The following ATG2A variants were observed in gnomAD, a reference collection of about 807,000 sequenced individuals.
The protein encoded by ATG2A is autophagy-related protein 2 homolog A.
In ATG2A, 103 loss-of-function variants were observed where a neutral mutation model predicts 214.2. The ratio of observed to expected loss-of-function variants is 0.48; its 90% confidence interval spans 0.41 to 0.57. The LOEUF (loss-of-function observed/expected upper bound fraction) is 0.57. Among genes scored for constraint, ATG2A ranks in the 20% least tolerant of loss-of-function variants. The probability of loss-of-function intolerance (pLI) is 0.00; values close to 1 mark genes in which losing one functional copy is unlikely to be tolerated. For synonymous variants in ATG2A, 1,160 were observed against 1,142.1 expected, an observed-to-expected ratio of 1.02 and a Z score of -0.32; for missense variants, 2,312 against 2,613.2, an observed-to-expected ratio of 0.88 and a Z score of 2.51.
chr11:64,902,132 G>A lies in ATG2A; in HGVS notation c.3949C>T (p.Pro1317Ser). ...GGTGGGGCCCCACTCCGTTCACCTG[G>A]GAATAGGTAGACGGAGATGGGCGAC... ...QASPISVYLF[P>S]GERSGAPPPS... The change falls in exon 29 of 41, where the codon CCA becomes TCA. Residue 1317 changes from proline to serine, a missense_variant. Pro to Ser is a moderately conservative substitution (Grantham distance 74). Transcript: ENST00000377264. 1 of 1,613,736 alleles carries A rather than the reference G, an allele frequency of 6.2e-7. No homozygotes were observed. Among genetic ancestry groups the A allele is most frequent in the Non-Finnish European group, 8.5e-7 (1 of 1,180,000 alleles).
In ATG2A at chr11:64,900,912, G is replaced by A. The variant is rs371445025; in HGVS notation, c.4300C>T (p.Arg1434Ter). 1.9e-6 allele frequency: 3 copies of A among 1,566,798 alleles called. No individual in the cohort carries two copies. Among genetic ancestry groups the A allele is most frequent in the Non-Finnish European group, 2.6e-6 (3 of 1,156,532 alleles). Reference protein sequence around the residue: ...VSLVWHLYGGRDFGPHPGHRA... With the variant: ...VSLVWHLYGG ...TGGCCGGGGTGGGGGCCAAAGTCTC[G>A]GCCCCCATAGAGGTGCCAGACGAGG... Residue 1434 changes from arginine to a stop codon, truncating the protein, a stop_gained, in exon 30 of 41, where the codon CGA becomes TGA. Coordinates refer to ENST00000377264, the MANE Select transcript of ATG2A (RefSeq NM_015104.3). LOFTEE classifies it high-confidence loss of function.
Position 64,913,370 on chromosome 11 carries a change from G to T in ATG2A, c.622C>A (p.Pro208Thr). The T allele has an allele frequency of 6.3e-7, 1 of 1,598,228 alleles. No homozygotes were observed. Among genetic ancestry groups the T allele is most frequent in the Non-Finnish European group, 8.5e-7 (1 of 1,173,774 alleles). Residue 208 changes from proline (P) to threonine (T), a missense_variant, in exon 5 of 41, where the codon CCA (proline) becomes ACA (threonine). Transcript: ENST00000377264. This position sits in a 1 kb window ranked among gnomAD's most constrained non-coding sequence, Gnocchi z 4.3. ...ACGTCCACCGGCGGCGCCTGGCTTG[G>T]GTCCCGCACTGCCTCATCACAGTAC... ...LEYCDEAVRD[P>T]SQAPPVDVHQ... is the part of the protein sequence containing the mutation.
chr11:64,912,630 G>A, intron 6 of ATG2A: 1 of 560,092 alleles, frequency 1.8e-6, no homozygotes, highest in Non-Finnish European at 3.1e-6. Context: ...TTTCACTCTT[G>A]TTGCCCAGGC....
intron 22 of ATG2A, 57 bp downstream of exon 22, chr11:64,906,056 C>T: frequency 5.2e-6 from 8 of 1,532,126 alleles, no homozygotes; most frequent in Non-Finnish European, 7.1e-6. Flanking sequence ...GACCTGCTTG[C>T]CCAAAACAGA....
chr11:64,899,729 C>T (rs1174627637), intron 31 of ATG2A, among the ~76,000 whole-genome samples: 1 of 152,154 alleles, frequency 6.6e-6, no homozygotes, highest in Non-Finnish European at 1.5e-5. Context: ...CAGAGCCCCA[C>T]CCCACAGAGG....
rs749459093 is a variant in ATG2A, at chr11:64,908,974, G to A, written c.2364+17C>T. 1.9e-6 allele frequency: 3 copies of A among 1,556,574 alleles called. No individual in the cohort carries two copies. The highest frequency in any genetic ancestry group is 2.7e-5 in the African/African-American group (2 of 73,526). Reference sequence around the variant, plus strand: ...GGGCGGGAGGGGGTCCTGGGAAGAGGTGGGGCCAAGTCTCACCTCCTCTGT... The same window carrying A: ...GGGCGGGAGGGGGTCCTGGGAAGAGATGGGGCCAAGTCTCACCTCCTCTGT... On this transcript the variant is annotated intron_variant, in intron 16 of 40. Transcript: ENST00000377264.
At chr11:64,907,220 A>T in intron 19 of ATG2A, 35 bp downstream of exon 19, 2 of 1,462,820 alleles carry the variant, frequency 1.4e-6, no homozygotes, top group Non-Finnish European at 1.8e-6. Context: ...GGGAGCTCTG[A>T]AGTTTGGGGC....
rs1944127615 is a variant in ATG2A, at chr11:64,895,747, C to T, written c.5428-305G>A. ...TTCAGCAGGTTCCACATGGCTGCCG[C>T]AGCTGCACGCCTGAGACTGACCGCT... On this transcript the variant is annotated intron_variant, in intron 39 of 40. Transcript: ENST00000377264. This position sits in a 1 kb window ranked among gnomAD's most constrained non-coding sequence, Gnocchi z 5.0. 6.6e-6 allele frequency among the ~76,000 whole-genome samples: 1 copy of T among 152,184 alleles called. No individual in the cohort carries two copies. The highest frequency in any genetic ancestry group is 1.5e-5 in the Non-Finnish European group (1 of 68,018).
At chr11:64,905,964 C>T in intron 22 of ATG2A, 116 bp from the exon 23 acceptor site, 4 of 1,372,532 alleles carry the variant, frequency 2.9e-6, no homozygotes, top group Non-Finnish European at 4.0e-6. Context: ...TAGCTGTCTG[C>T]CACACCCCTT....
Position 64,901,164 on chromosome 11 carries a change from T to C in ATG2A, c.4120-72A>G, listed in dbSNP as rs936090837. The C allele has an allele frequency of 5.6e-6, 8 of 1,431,376 alleles. No individual in the cohort carries two copies. In the Admixed American group the frequency reaches 8.0e-5, roughly 14 times the overall value. 88.7% of individuals were successfully genotyped at this position (1,431,376 alleles called of 1,614,324 possible). On this transcript the variant is annotated intron_variant, in intron 29 of 40. Transcript: ENST00000377264. ...CCAGCTGCCCCCAGCCCCAGCAACC[T>C]GGCCTCACTTCTTTTTCATTTTTTT...
chr11:64,911,348 C>A, intron 9 of ATG2A, 73 bp from the exon 10 acceptor site: 1 of 1,501,896 alleles, frequency 6.7e-7, no homozygotes. Context: ...TAGTTTGCCA[C>A]CAGGCTGGGG....
intron 37 of ATG2A, 98 bp downstream of exon 37, chr11:64,897,314 G>T: frequency 7.2e-7 from 1 of 1,395,436 alleles, no homozygotes; most frequent in South Asian, 1.3e-5. Context: ...GAGGCCCTGA[G>T]AAGGGTGATG....
At chr11:64,916,326 G>A (rs1418744119) in intron 1 of ATG2A, among the ~76,000 whole-genome samples, 5 of 152,190 alleles carry the variant, frequency 3.3e-5, no homozygotes, top group Middle Eastern at 3.4e-3. Flanking sequence ...TGTAGGTGGG[G>A]GCCATCCAGT....
rs656195 is a variant in ATG2A, at chr11:64,909,821, G to C, written c.1967C>G (p.Pro656Arg). 1,611,271 of 1,611,510 alleles carry C rather than the reference G, an allele frequency of 1. 805,516 individuals carry two copies. Among genetic ancestry groups the C allele is most frequent in the Non-Finnish European group, 1 (1,179,631 of 1,179,642 alleles). Reference sequence around the variant, plus strand: ...CACGGCCTGGCCCGCCCAGGGGTCCGGCTCAGGCCGCAGGTCGGCAATGGG... The same window carrying C: ...CACGGCCTGGCCCGCCCAGGGGTCCCGCTCAGGCCGCAGGTCGGCAATGGG... ...RFPIADLRPE[P>R]DPWAGQAVRA... Residue 656 changes from proline to arginine, a missense_variant, in exon 14 of 41, where the codon CCG becomes CGG. Coordinates refer to ENST00000377264, the MANE Select transcript of ATG2A (RefSeq NM_015104.3).
chr11:64,895,829 T>C lies in ATG2A; in HGVS notation c.5428-387A>G, dbSNP rs1049228377. On this transcript the variant is annotated intron_variant, in intron 39 of 40. Coordinates refer to ENST00000377264, the MANE Select transcript of ATG2A (RefSeq NM_015104.3). The surrounding 1 kb of genome is among the most constrained non-coding windows in gnomAD (Gnocchi z 5.0). ...ATGGTCAGAGGCCCATCCTTCCTTC[T>C]GTCTGCCAGATCCTCTGCCCAGCAT... Among the ~76,000 whole-genome samples, 3 of 152,050 alleles carry C rather than the reference T, an allele frequency of 2.0e-5. No individual in the cohort carries two copies. Among genetic ancestry groups the C allele is most frequent in the Non-Finnish European group, 4.4e-5 (3 of 67,970 alleles).
chr11:64,905,753 A>G lies in ATG2A; in HGVS notation c.3360T>C (p.Ser1120=), dbSNP rs767912917. The G allele has an allele frequency of 2.2e-5, 35 of 1,613,832 alleles. No homozygotes were observed. The highest frequency in any genetic ancestry group is 3.0e-5 in the Non-Finnish European group (35 of 1,180,014). The change falls in exon 23 of 41, where the codon TCT becomes TCC. Residue 1120 remains serine (S), a synonymous_variant. Transcript: ENST00000377264. ...ACCCAGCCTGGTACCTATAGTCCACAGAGCAGGAGAACAGGTGTGTGTGCA... is the reference window on the plus strand; with the variant it reads ...ACCCAGCCTGGTACCTATAGTCCACGGAGCAGGAGAACAGGTGTGTGTGCA... ...TILHTHLFSC[S]VDYRPLYLPV...
rs1944223592 is a variant in ATG2A at position 64,898,189 on chromosome 11, G to A, written c.4774-19C>T. On this transcript the variant is annotated intron_variant, in intron 33 of 40. Coordinates refer to ENST00000377264, the MANE Select transcript of ATG2A (RefSeq NM_015104.3). This position sits in a 1 kb window ranked among gnomAD's most constrained non-coding sequence, Gnocchi z 4.5. ...GGGCATCCTGCAAGGGAGAGGTCCA[G>A]ATGTGGATCAGACTCAGAGGCCTGG... 3 of 1,613,814 alleles carry A rather than the reference G, an allele frequency of 1.9e-6. No homozygotes were observed. Among genetic ancestry groups the A allele is most frequent in the African/African-American group, 1.3e-5 (1 of 74,912 alleles).
chr11:64,904,622 G>C (rs1944474514), intron 24 of ATG2A, among the ~76,000 whole-genome samples: 1 of 151,860 alleles, frequency 6.6e-6, no homozygotes, highest in Non-Finnish European at 1.5e-5. Flanking sequence ...TTAGAATAAA[G>C]AAAATAAAAA....
rs559099117 is a variant in ATG2A, at chr11:64,901,046, A to G, written c.4166T>C (p.Ile1389Thr). Residue 1389 changes from isoleucine to threonine, a missense_variant, in exon 30 of 41, where the codon ATC becomes ACC. Coordinates refer to ENST00000377264, the MANE Select transcript of ATG2A (RefSeq NM_015104.3). ...PVVTQLHPGP[I>T]VVRDGYFSRP... ...TGAGAAGTAACCGTCCCTCACAACGATGGGGCCGGGATGCAGCTGTGTCAC... is the reference window on the plus strand; with the variant it reads ...TGAGAAGTAACCGTCCCTCACAACGGTGGGGCCGGGATGCAGCTGTGTCAC... 1 of 1,585,358 alleles carries G rather than the reference A, an allele frequency of 6.3e-7. No homozygotes were observed. The highest frequency in any genetic ancestry group is 1.1e-5 in the South Asian group (1 of 87,088).
Sources: gnomAD v4.1 joint callset for allele counts (sites outside exome capture counted in the v4.1 genomes callset) on GRCh38, gnomAD v4.1.1 for gene constraint, Gnocchi (gnomAD v3.1) non-coding constraint, MANE v1.5 for transcripts, NCBI Gene and HGNC (gene_info 2026-07-23, HGNC 2026-07-21) for gene names.